OPCML: variants seen among roughly 807,000 people sequenced by gnomAD.
OPCML encodes opioid-binding protein/cell adhesion molecule.
Under a neutral mutation model 37.8 loss-of-function variants are expected in OPCML, and 13 were observed. The ratio of observed to expected loss-of-function variants is 0.34; its 90% CI spans 0.22 to 0.55. OPCML has a LOEUF of 0.55. Ranked by LOEUF, OPCML falls within the 20% of genes least tolerant of loss-of-function variation. OPCML has a pLI of 0.91. For synonymous variants in OPCML, 176 were observed against 168.8 expected, an observed-to-expected ratio of 1.04 and a Z score of -0.33; for missense variants, 341 against 435.6, an observed-to-expected ratio of 0.78 and a Z score of 1.93.
At chr11:132,983,452 G>A (rs1254667667) in intron 1 of OPCML, among the ~76,000 whole-genome samples, 5 of 152,290 alleles carry the variant, frequency 3.3e-5, no homozygotes, top group South Asian at 2.1e-4. Context: ...GAAGAAAGGC[G>A]CAGCCCTGAC....
intron 1 of OPCML, among the ~76,000 whole-genome samples, chr11:132,981,345 A>T (rs1346251114): frequency 6.6e-6 from 1 of 152,182 alleles, no homozygotes; most frequent in African/African-American, 2.4e-5. Context: ...GTCCAAGGTG[A>T]CAGGGGCCCA....
At chr11:133,087,609 C>T (rs1338271978) in intron 1 of OPCML, among the ~76,000 whole-genome samples, 1 of 152,226 alleles carries the variant, frequency 6.6e-6, no homozygotes, top group Non-Finnish European at 1.5e-5. Flanking sequence ...TATTAATTTT[C>T]TGTCGCAACC....
At chr11:132,657,547 A>G (rs1474111639) in intron 2 of OPCML, 2 of 470,620 alleles carry the variant, frequency 4.2e-6, no homozygotes, top group African/African-American at 2.1e-5. Flanking sequence ...TGACTTCGAG[A>G]CATATTATGT....
At chr11:133,060,663 G>C (rs139328089) in intron 1 of OPCML, among the ~76,000 whole-genome samples, 120 of 152,348 alleles carry the variant, frequency 7.9e-4, no homozygotes, top group Middle Eastern at 6.8e-3. Flanking sequence ...CCTCTTATTG[G>C]GAAGGCAGGT....
At chr11:132,756,644 G>A (rs1313326720) in intron 2 of OPCML, among the ~76,000 whole-genome samples, 1 of 152,212 alleles carries the variant, frequency 6.6e-6, no homozygotes, top group East Asian at 1.9e-4. Flanking sequence ...GGCTCATGTA[G>A]AAATCAAAAC....
chr11:133,075,150 C>T (rs1948602663), intron 1 of OPCML, among the ~76,000 whole-genome samples: 1 of 152,192 alleles, frequency 6.6e-6, no homozygotes, highest in South Asian at 2.1e-4. Flanking sequence ...CTCCCCATAC[C>T]CCCTTTCTTA....
intron 1 of OPCML, among the ~76,000 whole-genome samples, chr11:133,290,870 G>A (rs1277977201): frequency 6.6e-6 from 1 of 152,206 alleles, no homozygotes; most frequent in Non-Finnish European, 1.5e-5. Flanking sequence ...CACAGCAATG[G>A]AGTTTCAAGA....
intron 2 of OPCML, among the ~76,000 whole-genome samples, chr11:132,808,108 C>A (rs1194484949): frequency 2.0e-5 from 3 of 152,164 alleles, no homozygotes; most frequent in African/African-American, 7.2e-5. Flanking sequence ...CAAATATCAG[C>A]AATTTCATTT....
chr11:133,079,851 G>T (rs573472169), intron 1 of OPCML, among the ~76,000 whole-genome samples: 83 of 152,280 alleles, frequency 5.5e-4, no homozygotes, highest in African/African-American at 1.8e-3. Flanking sequence ...TCTGCCTTTT[G>T]CTCCATAATG....
intron 1 of OPCML, among the ~76,000 whole-genome samples, chr11:132,989,359 T>G (rs1386197698): frequency 6.6e-6 from 1 of 152,032 alleles, no homozygotes; most frequent in African/African-American, 2.4e-5. Context: ...ATCTTGGAAA[T>G]AAATAAGTGA....
rs117031568 is a variant in OPCML at position 132,613,586 on chromosome 11, G to A, written c.379+43501C>T. The stretch of plus-strand genomic sequence containing the variant: ...GGAAATAGATATTGGAATCCCAGTC[G>A]TTCTTCCCCATTCCTTGTATGACTA... On this transcript the variant is annotated intron_variant, in intron 3 of 7. Transcript: ENST00000524381. 4.9e-4 allele frequency among the ~76,000 whole-genome samples: 75 copies of A among 152,252 alleles called. 2 individuals carry two copies. The East Asian group carries it at 7.4e-3, about 15-fold the overall frequency.
chr11:133,193,633 G>T (rs1938414478), intron 1 of OPCML, among the ~76,000 whole-genome samples: 1 of 152,108 alleles, frequency 6.6e-6, no homozygotes, highest in South Asian at 2.1e-4. Flanking sequence ...ATTTAATGAT[G>T]ATGTTTACCC....
chr11:133,324,901 T>G (rs1036381022), intron 1 of OPCML, among the ~76,000 whole-genome samples: 3 of 152,162 alleles, frequency 2.0e-5, no homozygotes, highest in Admixed American at 1.3e-4. Flanking sequence ...GTATATAGTA[T>G]TATAGATATA....
At chr11:133,366,985 C>CT (rs1005265342) in intron 1 of OPCML, among the ~76,000 whole-genome samples, 11 of 151,360 alleles carry the variant, frequency 7.3e-5, no homozygotes, top group South Asian at 2.1e-4. Context: ...AATGCACTTT[C>CT]TTTTTTTTTG....
intron 2 of OPCML, among the ~76,000 whole-genome samples, chr11:132,815,521 T>G (rs1283650639): frequency 6.6e-6 from 1 of 152,238 alleles, no homozygotes; most frequent in Non-Finnish European, 1.5e-5. Context: ...TGACTCTTCC[T>G]GTCTACCTTA....
intron 4 of OPCML, among the ~76,000 whole-genome samples, chr11:132,443,042 T>C (rs1343928500): frequency 6.6e-6 from 1 of 152,194 alleles, no homozygotes. Context: ...TGATTAAAAG[T>C]CACCTCTAAG....
intron 3 of OPCML, among the ~76,000 whole-genome samples, chr11:132,581,139 G>A (rs1157972160): frequency 6.6e-6 from 1 of 152,092 alleles, no homozygotes; most frequent in Non-Finnish European, 1.5e-5. Context: ...CCCCAATTCA[G>A]GTAAATGCTG....
At position 133,212,182 on chromosome 11, in the gene OPCML, A is replaced by G. The variant is rs1939390107; in HGVS notation, c.62-269172T>C. On this transcript the variant is annotated intron_variant, in intron 1 of 7. Transcript: ENST00000524381. The surrounding 1 kb of genome is among the most constrained non-coding windows in gnomAD (Gnocchi z 4.9). ...ACCAATCACAACATCATAATGACCA[A>G]TCAATCAACCAAACCAGCAAGGACA... 6.6e-6 allele frequency among the ~76,000 whole-genome samples: 1 copy of G among 152,088 alleles called. No homozygotes were observed. The highest frequency in any genetic ancestry group is 1.5e-5 in the Non-Finnish European group (1 of 68,016).
intron 1 of OPCML, among the ~76,000 whole-genome samples, chr11:133,194,085 G>A (rs1386953487): frequency 1.3e-5 from 2 of 152,076 alleles, no homozygotes; most frequent in African/African-American, 2.4e-5. Context: ...GCCTAGTTGA[G>A]GTTAGGGGAG....
Sources: allele counts gnomAD v4.1 joint callset (sites outside exome capture counted in the v4.1 genomes callset), GRCh38; gene constraint gnomAD v4.1.1; non-coding constraint Gnocchi (gnomAD v3.1); transcripts MANE v1.5; gene names NCBI Gene and HGNC (gene_info 2026-07-23, HGNC 2026-07-21).